Variants in LRP1B observed in about 807,000 individuals in gnomAD.
LRP1B encodes LDL receptor related protein 1B, also known as low-density lipoprotein receptor-related protein 1B.
A neutral mutation model predicts 556.6 loss-of-function variants in LRP1B; 217 were observed. The observed-to-expected ratio is 0.39, with a 90% confidence interval of 0.35 to 0.44. LRP1B has a LOEUF of 0.44. Ranked by LOEUF, LRP1B falls within the 20% of genes least tolerant of loss-of-function variation. LRP1B has a pLI of 1.00. For synonymous variants in LRP1B, 2,047 were observed against 1,865.8 expected, an observed-to-expected ratio of 1.10 and a Z score of -2.50; for missense variants, 5,053 against 5,620.8, an observed-to-expected ratio of 0.90 and a Z score of 3.23.
chr2:141,795,681 A>T (rs1695780131), intron 2 of LRP1B, among the ~76,000 whole-genome samples: 1 of 151,524 alleles, frequency 6.6e-6, no homozygotes, highest in South Asian at 2.1e-4. Context: ...CACGGTTCTG[A>T]TGTTTATTAA....
At position 141,493,677 on chromosome 2, in the gene LRP1B, AGG is replaced by A. The variant is rs1301512313; in HGVS notation, c.206-13146_206-13145del. ...TCTGCCCACCTGTGTCTGAGCCAGC[AGG>A]AGATTATTTGAGGGGTCCTGTGATG... On this transcript the variant is annotated intron_variant, in intron 2 of 90. Transcript: ENST00000389484. Among the ~76,000 whole-genome samples the A allele has an allele frequency of 2.0e-5, 3 of 152,272 alleles. No individual in the cohort carries two copies. In the East Asian group the frequency reaches 5.8e-4, roughly 29 times the overall value.
At chr2:141,759,078 T>C (rs924896813) in intron 2 of LRP1B, among the ~76,000 whole-genome samples, 1 of 152,036 alleles carries the variant, frequency 6.6e-6, no homozygotes, top group African/African-American at 2.4e-5. Context: ...ATCATCACTC[T>C]AAAAAATGAC....
At chr2:141,154,611 C>T (rs1450520174) in intron 7 of LRP1B, among the ~76,000 whole-genome samples, 7 of 151,612 alleles carry the variant, frequency 4.6e-5, no homozygotes, top group Admixed American at 4.6e-4. Flanking sequence ...CCTTTAAAAG[C>T]TTATTTTATC....
intron 1 of LRP1B, among the ~76,000 whole-genome samples, chr2:141,914,732 T>C (rs1287456490): frequency 6.6e-6 from 1 of 152,050 alleles, no homozygotes; most frequent in African/African-American, 2.4e-5. Flanking sequence ...GAGCCAAATC[T>C]GGTACACAAA....
intron 60 of LRP1B, among the ~76,000 whole-genome samples, chr2:140,470,231 G>C (rs1222364962): frequency 6.6e-6 from 1 of 152,032 alleles, no homozygotes; most frequent in Non-Finnish European, 1.5e-5. Flanking sequence ...TCAGGACTGG[G>C]GATTGTTTTG....
intron 7 of LRP1B, among the ~76,000 whole-genome samples, chr2:141,096,625 A>AGG (rs140050714): frequency 2.1e-4 from 11 of 52,710 alleles, no homozygotes; most frequent in African/African-American, 6.7e-4. Context: ...AGACGGGGAG[A>AGG]GGGGGAGAGA....
chr2:141,023,407 T>C (rs183726646), intron 11 of LRP1B, among the ~76,000 whole-genome samples: 1 of 151,978 alleles, frequency 6.6e-6, no homozygotes, highest in East Asian at 1.9e-4. Context: ...TAACATATAA[T>C]AAAATTTATG....
At chr2:141,060,868 T>A (rs1699315246) in intron 8 of LRP1B, among the ~76,000 whole-genome samples, 4 of 151,700 alleles carry the variant, frequency 2.6e-5, no homozygotes, top group Admixed American at 2.6e-4. Flanking sequence ...TTGGATTATT[T>A]AGTGGCAGAC....
chr2:140,295,492 G>A (rs1683562525), intron 84 of LRP1B, among the ~76,000 whole-genome samples: 1 of 152,136 alleles, frequency 6.6e-6, no homozygotes, highest in East Asian at 1.9e-4. Context: ...TTGACTCTGT[G>A]CTGTTTCATG....
intron 1 of LRP1B, among the ~76,000 whole-genome samples, chr2:142,119,333 A>C (rs1707375428): frequency 6.6e-6 from 1 of 152,168 alleles, no homozygotes; most frequent in African/African-American, 2.4e-5. Context: ...CAGGTCCAGC[A>C]ATATAAATTA....
chr2:140,237,900 A>G lies in LRP1B; in HGVS notation c.13560+252T>C, dbSNP rs931374350. On this transcript the variant is annotated intron_variant, in intron 89 of 90. Coordinates refer to ENST00000389484, the MANE Select transcript of LRP1B (RefSeq NM_018557.3). Reference sequence around the variant, plus strand: ...AATGAATCATTTTTCAATAAAAAACATATAAAAACATGTTTATAAAAGAAC... The same window carrying G: ...AATGAATCATTTTTCAATAAAAAACGTATAAAAACATGTTTATAAAAGAAC... Among the ~76,000 whole-genome samples the G allele has an allele frequency of 4.6e-5, 7 of 151,022 alleles. No individual in the cohort carries two copies. In the Admixed American group the frequency reaches 4.6e-4, roughly 10 times the overall value.
intron 1 of LRP1B, among the ~76,000 whole-genome samples, chr2:141,828,226 A>C (rs1161969831): frequency 6.6e-6 from 1 of 152,146 alleles, no homozygotes; most frequent in Non-Finnish European, 1.5e-5. Flanking sequence ...TGTGTATCTT[A>C]GACATCTTCA....
intron 2 of LRP1B, among the ~76,000 whole-genome samples, chr2:141,626,356 T>C (rs1688702639): frequency 6.6e-6 from 1 of 152,056 alleles, no homozygotes; most frequent in Admixed American, 6.6e-5. Flanking sequence ...ACTATGAAAC[T>C]CCTAGAAGAT....
chr2:141,519,884 A>G (rs916882850), intron 2 of LRP1B, among the ~76,000 whole-genome samples: 2 of 152,252 alleles, frequency 1.3e-5, no homozygotes, highest in Non-Finnish European at 1.5e-5. Context: ...GATCGTGTTG[A>G]CTCAAAAGCT....
chr2:141,104,262 A>C (rs1349060928), intron 7 of LRP1B, among the ~76,000 whole-genome samples: 1 of 152,048 alleles, frequency 6.6e-6, no homozygotes, highest in Non-Finnish European at 1.5e-5. Context: ...TCTAAAATAA[A>C]ATTTGAATTT....
intron 2 of LRP1B, among the ~76,000 whole-genome samples, chr2:141,636,001 C>T (rs1032353971): frequency 1.3e-5 from 2 of 152,108 alleles, no homozygotes; most frequent in African/African-American, 2.4e-5. Flanking sequence ...GCAACACATT[C>T]CTGCTGATCC....
rs554784222 is a variant in LRP1B, at chr2:140,482,200, T to C, written c.9425+3143A>G. Reference sequence around the variant, plus strand: ...AGACGAGGGACCATGCCTTTTATTTTTATTCTCACTCCTACCAACAGTGCC... The same window carrying C: ...AGACGAGGGACCATGCCTTTTATTTCTATTCTCACTCCTACCAACAGTGCC... On this transcript the variant is annotated intron_variant, in intron 59 of 90. Coordinates refer to ENST00000389484, the MANE Select transcript of LRP1B (RefSeq NM_018557.3). 3.6e-4 allele frequency among the ~76,000 whole-genome samples: 55 copies of C among 152,110 alleles called. 1 individual carries two copies. The South Asian group carries it at 0.011, about 30-fold the overall frequency.
At chr2:140,319,285 GC>G (rs1679954643) in intron 82 of LRP1B, among the ~76,000 whole-genome samples, 5 of 152,176 alleles carry the variant, frequency 3.3e-5, no homozygotes, top group African/African-American at 9.6e-5. Flanking sequence ...TAACATCAGA[GC>G]CAATGTAAAA....
intron 3 of LRP1B, among the ~76,000 whole-genome samples, chr2:141,349,234 A>T (rs535068147): frequency 3.9e-5 from 6 of 152,106 alleles, no homozygotes; most frequent in Non-Finnish European, 8.8e-5. Context: ...TGGCCACATC[A>T]TCATCTTTTA....
Sources: gnomAD v4.1 joint callset for allele counts (sites outside exome capture counted in the v4.1 genomes callset) on GRCh38, gnomAD v4.1.1 for gene constraint, MANE v1.5 for transcripts, NCBI Gene and HGNC (gene_info 2026-07-23, HGNC 2026-07-21) for gene names.